LTF: variants seen among roughly 807,000 people sequenced by gnomAD.
LTF encodes epididymis luminal protein 110.
In LTF, 91 loss-of-function variants were observed where a neutral mutation model predicts 87.2. The ratio of observed to expected loss-of-function variants is 1.04; its 90% confidence interval spans 0.88 to 1.24. LTF has a LOEUF of 1.24. Ranked by LOEUF, LTF falls within the 50% of genes most tolerant of loss-of-function variation. LTF has a pLI of 0.00. For missense variants in LTF, 901 were observed against 904.3 expected, an observed-to-expected ratio of 1.00 and a Z score of 0.05; for synonymous variants, 378 against 356.1, an observed-to-expected ratio of 1.06 and a Z score of -0.69.
intron 1 of LTF, among the ~76,000 whole-genome samples, chr3:46,480,302 G>A (rs72900285): frequency 0.054 from 8,165 of 152,246 alleles, 765 homozygotes; most frequent in African/African-American, 0.19. Flanking sequence ...AGAATGCTCT[G>A]TATCATGTCC....
At chr3:46,438,584 C>T (rs1702443351) in intron 15 of LTF, among the ~76,000 whole-genome samples, 1 of 152,168 alleles carries the variant, frequency 6.6e-6, no homozygotes. Context: ...GCCTCCCTCA[C>T]ACAGTTCCTG....
At chr3:46,477,488 G>A (rs1463854702) in intron 1 of LTF, among the ~76,000 whole-genome samples, 1 of 152,196 alleles carries the variant, frequency 6.6e-6, no homozygotes, top group Non-Finnish European at 1.5e-5. Context: ...ATCGCAGGCA[G>A]GGGAGTTTGA....
At chr3:46,477,504 G>T (rs891075362) in intron 1 of LTF, among the ~76,000 whole-genome samples, 1 of 152,184 alleles carries the variant, frequency 6.6e-6, no homozygotes, top group Non-Finnish European at 1.5e-5. Context: ...TTTGAAACCA[G>T]CTCTACCTCT....
upstream of LTF, among the ~76,000 whole-genome samples, chr3:46,467,672 G>A (rs1026188503): frequency 6.9e-6 from 1 of 145,592 alleles, no homozygotes; most frequent in Non-Finnish European, 1.5e-5. Flanking sequence ...TTTACCGACA[G>A]GGTCTCCCTC....
chr3:46,480,972 G>C (rs1703423851), intron 1 of LTF, among the ~76,000 whole-genome samples: 1 of 152,134 alleles, frequency 6.6e-6, no homozygotes, highest in African/African-American at 2.4e-5. Flanking sequence ...ACTGCCAGTG[G>C]AAGTGCCCCA....
chr3:46,456,148 G>A, intron 3 of LTF, 142 bp downstream of exon 3: 1 of 912,734 alleles, frequency 1.1e-6, no homozygotes, highest in Non-Finnish European at 1.6e-6. Context: ...GCCTTCATCT[G>A]GCCCAGAGCC....
chr3:46,465,987 C>G (rs1472457228), upstream of LTF, among the ~76,000 whole-genome samples: 2 of 152,170 alleles, frequency 1.3e-5, no homozygotes, highest in Non-Finnish European at 2.9e-5. Flanking sequence ...GCCTGTAATC[C>G]CAGCACTTTG....
chr3:46,460,584 C>G (rs1292676288), intron 1 of LTF: 1 of 455,494 alleles, frequency 2.2e-6, no homozygotes, highest in Non-Finnish European at 4.4e-6. Context: ...TGATAAAAGG[C>G]ATCCACAAAA....
chr3:46,483,007 T>C (rs939017466), intron 1 of LTF, among the ~76,000 whole-genome samples: 4 of 152,226 alleles, frequency 2.6e-5, no homozygotes, highest in African/African-American at 9.6e-5. Context: ...TGCCAGTTTC[T>C]GTGGTGTAAA....
intron 3 of LTF, 151 bp from the exon 4 acceptor site, chr3:46,456,129 G>A (rs1702923860): frequency 1.0e-6 from 1 of 955,808 alleles, no homozygotes; most frequent in Non-Finnish European, 1.5e-6. Context: ...GTCAGCGTCA[G>A]GAGGAACGGC....
chr3:46,458,648 C>G (rs138025775), intron 2 of LTF, among the ~76,000 whole-genome samples: 6 of 152,194 alleles, frequency 3.9e-5, no homozygotes, highest in Non-Finnish European at 8.8e-5. Context: ...GATCTTGGCT[C>G]ACTGCAACCT....
At position 46,455,812 on chromosome 3, in the gene LTF, A is replaced by G; in HGVS notation, c.483T>C (p.Pro161=). 1.3e-6 allele frequency: 2 copies of G among 1,579,096 alleles called. No homozygotes were observed. The highest frequency in any genetic ancestry group is 2.4e-5 in the South Asian group (2 of 84,986). ...LRPFLNWTGP[P]EPIEAAVARF... ...CCATCTTACCTGCCTCAATGGGCTC[A>G]GGTGGACCCGTCCAATTCAAGAATG... The change falls in exon 4 of 17, where the codon CCT becomes CCC. Residue 161 remains proline, a synonymous_variant. Transcript: ENST00000231751.
rs1702658836 is a variant in LTF at position 46,446,497 on chromosome 3, A to G, written c.1304-4T>C. On this transcript the variant is annotated splice_polypyrimidine_tract_variant and splice_region_variant and intron_variant, in intron 10 of 16. Transcript: ENST00000231751. ...GGGTCACTGCTTTGTTGGGATTCTG[A>G]AAGAATAAAGACAAGCCAGACATCA... is the stretch of plus-strand genomic sequence containing the variant. 6.2e-7 allele frequency: 1 copy of G among 1,613,384 alleles called. No homozygotes were observed. The highest frequency in any genetic ancestry group is 1.1e-5 in the South Asian group (1 of 90,988).
At chr3:46,482,531 AAGGGAAGGGAAGGGAAGGG>A (rs1559614481) in intron 1 of LTF, among the ~76,000 whole-genome samples, 4,905 of 89,242 alleles carry the variant, frequency 0.055, 649 homozygotes, top group South Asian at 0.1. Context: ...AAGGGAAGGG[AAGGGAAGGGAAGGGAAGGG>A]AAGGGAAGGG....
intron 5 of LTF, among the ~76,000 whole-genome samples, chr3:46,454,781 G>T (rs535447568): frequency 6.6e-6 from 1 of 152,242 alleles, no homozygotes; most frequent in Admixed American, 6.5e-5. Flanking sequence ...GGAAAAGGGG[G>T]AGCTCAGCCT....
At chr3:46,459,613 T>G in intron 2 of LTF, 43 bp downstream of exon 2, 1 of 1,371,622 alleles carries the variant, frequency 7.3e-7, no homozygotes, top group Non-Finnish European at 9.5e-7. Flanking sequence ...TCTCTCTCCC[T>G]TCCATTCAGC....
chr3:46,478,472 T>C (rs936106684), intron 1 of LTF, among the ~76,000 whole-genome samples: 2 of 152,180 alleles, frequency 1.3e-5, no homozygotes, highest in East Asian at 3.9e-4. Context: ...TCAGCAGGCA[T>C]GAGCAGGGTC....
rs745443427 is a variant in LTF, at chr3:46,436,225, G to T, written c.2103C>A (p.Leu701=). ...TCCTGAGGAATTCACAGGCTTCCAG[G>T]AGGGCTGTGGGACACAACAGAGCAA... The part of the protein sequence containing the change: ...TNLKKCSTSP[L]LEACEFLRK Residue 701 remains leucine (L), a synonymous_variant, in exon 17 of 17, where the codon CTC becomes CTA. Coordinates refer to ENST00000231751, the MANE Select transcript of LTF (RefSeq NM_002343.6). 21 of 1,613,990 alleles carry T rather than the reference G, an allele frequency of 1.3e-5. No homozygotes were observed. The highest frequency in any genetic ancestry group is 1.8e-5 in the Non-Finnish European group (21 of 1,179,956).
In LTF at chr3:46,456,460, C is replaced by T. The variant is rs544748646; in HGVS notation, c.208-62G>A. ...ACTCACCCAAACCCAGCAAGTGGGA[C>T]TTCAGGACCTCAAAAAGTCTCCATG... On this transcript the variant is annotated intron_variant, in intron 2 of 16. Transcript: ENST00000231751. 7 of 1,356,328 alleles carry T rather than the reference C, an allele frequency of 5.2e-6. No homozygotes were observed. The South Asian group carries it at 7.1e-5, about 14-fold the overall frequency. The allele number at this position is 1,356,328 out of a possible 1,614,324, so 84.0% of individuals were successfully genotyped here. A position where few individuals can be genotyped will look rare whatever the true frequency, so the allele number is the denominator to read the frequency against.
Sources: allele counts gnomAD v4.1 joint callset (sites outside exome capture counted in the v4.1 genomes callset), GRCh38; gene constraint gnomAD v4.1.1; transcripts MANE v1.5; gene names NCBI Gene and HGNC (gene_info 2026-07-23, HGNC 2026-07-21).